ZNF177: variants seen among roughly 807,000 people sequenced by gnomAD.
ZNF177 encodes the protein zinc finger protein 177.
ZNF177 carries 17 observed loss-of-function variants against 19.4 expected under a neutral mutation model. That is an observed-to-expected ratio of 0.87 (90% CI 0.60 to 1.31). ZNF177 has a LOEUF of 1.31. Ranked by LOEUF, ZNF177 falls within the 40% of genes most tolerant of loss-of-function variation. The pLI is 0.00. For synonymous variants in ZNF177, 220 were observed against 188.7 expected (o/e 1.17, Z -1.36); for missense variants, 633 against 561.8 (o/e 1.13, Z -1.28).
downstream of ZNF177, chr19:9,382,435 C>T (rs545670717): frequency 7.5e-6 from 3 of 398,596 alleles, no homozygotes; most frequent in East Asian, 1.1e-4. Context: ...AATGAAACAA[C>T]AGGGGAGATA....
chr19:9,368,613 C>T (rs528676572), intron 2 of ZNF177, among the ~76,000 whole-genome samples: 54 of 152,182 alleles, frequency 3.5e-4, no homozygotes, highest in African/African-American at 1.2e-3. Flanking sequence ...AAGTTCACTT[C>T]TTTTCTAATA....
rs149237397 is a variant in ZNF177, at chr19:9,369,132, C to T, written c.-304-2478C>T. Among the ~76,000 whole-genome samples, 256 of 152,112 alleles carry T rather than the reference C, an allele frequency of 1.7e-3. 1 individual carries two copies. Among genetic ancestry groups the T allele is most frequent in the Middle Eastern group, 3.4e-3 (1 of 294 alleles). On this transcript the variant is annotated intron_variant, in intron 2 of 8. Transcript: ENST00000343499. ...TGTGTGCTTCAAGAATCTATGTATA[C>T]TCCATACATTCAGTAGTGTCCCTCA...
chr19:9,381,386 C>G, exon 6 of ZNF177: 1 of 1,613,306 alleles, frequency 6.2e-7, no homozygotes, highest in Non-Finnish European at 8.5e-7. Context: ...TTCACTGTTC[C>G]TTCATCCCTT....
At chr19:9,376,787 C>T (rs1347167) in intron 1 of ZNF177, among the ~76,000 whole-genome samples, 92,635 of 151,946 alleles carry the variant, frequency 0.61, 28,858 homozygotes, top group African/African-American at 0.73. Flanking sequence ...TAATCTTTTA[C>T]ACTAGAGATA....
chr19:9,372,716 T>A (rs1277281756), upstream of ZNF177, among the ~76,000 whole-genome samples: 3 of 151,736 alleles, frequency 2.0e-5, no homozygotes, highest in African/African-American at 7.3e-5. Context: ...TGGCTAATTT[T>A]TGTATTTTTA....
At chr19:9,380,621 G>C (rs2068181598) in intron 5 of ZNF177, 47 bp from the exon 8 acceptor site, 1 of 1,535,754 alleles carries the variant, frequency 6.5e-7, no homozygotes, top group Non-Finnish European at 8.7e-7. Context: ...TGTGAATAAG[G>C]TGAAAGTGAA....
upstream of ZNF177, among the ~76,000 whole-genome samples, chr19:9,372,737 G>T (rs1289000727): frequency 6.6e-6 from 1 of 151,202 alleles, no homozygotes; most frequent in African/African-American, 2.4e-5. Context: ...ATAGAGAAAG[G>T]GTTTCACCAT....
At chr19:9,379,735 T>G in intron 4 of ZNF177, 116 bp downstream of exon 6, 1 of 1,249,246 alleles carries the variant, frequency 8.0e-7, no homozygotes, top group South Asian at 1.5e-5. Context: ...CCTTCCTGTT[T>G]CACCATCTAT....
chr19:9,366,590 A>G (rs1456629902), intron 2 of ZNF177, among the ~76,000 whole-genome samples: 1 of 152,194 alleles, frequency 6.6e-6, no homozygotes, highest in African/African-American at 2.4e-5. Context: ...AGTCCATTGT[A>G]TGGATATACC....
chr19:9,376,012 TC>T (rs2068104721), upstream of ZNF177, among the ~76,000 whole-genome samples: 3 of 152,216 alleles, frequency 2.0e-5, no homozygotes, highest in Admixed American at 2.0e-4. Context: ...TCTTTTCCCA[TC>T]TTTTTACTTT....
At chr19:9,380,927 C>G in exon 6 of ZNF177, 1 of 1,536,498 alleles carries the variant, frequency 6.5e-7, no homozygotes, top group East Asian at 2.4e-5. Flanking sequence ...AGAACTCCCA[C>G]AGGACAGAAG....
intron 1 of ZNF177, among the ~76,000 whole-genome samples, chr19:9,364,139 A>C (rs1220865752): frequency 6.6e-6 from 1 of 151,856 alleles, no homozygotes; most frequent in African/African-American, 2.4e-5. Flanking sequence ...ATCAGCAGTT[A>C]CTCCCCCATG....
intron 1 of ZNF177, among the ~76,000 whole-genome samples, chr19:9,363,932 A>G (rs927548265): frequency 1.3e-5 from 2 of 152,190 alleles, no homozygotes; most frequent in African/African-American, 2.4e-5. Flanking sequence ...TCAGCTTGTC[A>G]CTACTTACAT....
At chr19:9,377,725 T>C (rs894722578) in intron 1 of ZNF177, among the ~76,000 whole-genome samples, 33 of 152,296 alleles carry the variant, frequency 2.2e-4, no homozygotes, top group Admixed American at 2.0e-3. Context: ...TACTAAATGT[T>C]GTTCTGGAAT....
intron 2 of ZNF177, 197 bp downstream of exon 4, chr19:9,378,541 C>A (rs577501027): frequency 2.2e-5 from 19 of 882,024 alleles, no homozygotes; most frequent in African/African-American, 8.5e-5. Context: ...TCCAGATATT[C>A]TTCCATATTT....
At chr19:9,373,078 G>C (rs2068068057), upstream of ZNF177, among the ~76,000 whole-genome samples, 1 of 152,012 alleles carries the variant, frequency 6.6e-6, no homozygotes, top group African/African-American at 2.4e-5. Context: ...TAGTCACCAA[G>C]CCATACATCA....
intron 3 of ZNF177, 36 bp from the exon 6 acceptor site, chr19:9,379,491 A>G: frequency 6.2e-7 from 1 of 1,600,164 alleles, no homozygotes; most frequent in Non-Finnish European, 8.5e-7. Flanking sequence ...TAATTCTCAC[A>G]CATTTCTCCC....
chr19:9,364,072 A>G (rs190010262), intron 1 of ZNF177, among the ~76,000 whole-genome samples: 1 of 152,354 alleles, frequency 6.6e-6, no homozygotes, highest in East Asian at 1.9e-4. Flanking sequence ...TTGTGCAACC[A>G]TGACTACAAT....
At chr19:9,373,816 A>T (rs1272872669), upstream of ZNF177, among the ~76,000 whole-genome samples, 1 of 152,046 alleles carries the variant, frequency 6.6e-6, no homozygotes, top group Admixed American at 6.5e-5. Context: ...TGTATTTCGT[A>T]AATATTTTAA....
Sources: gnomAD v4.1 joint callset for allele counts (sites outside exome capture counted in the v4.1 genomes callset) on GRCh38, gnomAD v4.1.1 for gene constraint, MANE v1.5 for transcripts, NCBI Gene and HGNC (gene_info 2026-07-23, HGNC 2026-07-21) for gene names.